The following CDC42BPB variants were observed in gnomAD, a reference collection of about 807,000 sequenced individuals.
CDC42BPB encodes CDC42 binding protein kinase beta.
In CDC42BPB, 37 loss-of-function variants were observed where a neutral mutation model predicts 214.9. That is an observed-to-expected ratio of 0.17 (90% CI 0.13 to 0.23). The LOEUF (loss-of-function observed/expected upper bound fraction) is 0.23, where lower values mean the gene tolerates loss of function less well. Among genes scored for constraint, CDC42BPB ranks in the 10% least tolerant of loss-of-function variants. The pLI is 1.00. For missense variants in CDC42BPB, 1,694 were observed against 2,227.0 expected, an observed-to-expected ratio of 0.76 and a Z score of 4.82; for synonymous variants, 931 against 884.0, an observed-to-expected ratio of 1.05 and a Z score of -0.94.
chr14:102,977,703 T>C (rs532764433), intron 9 of CDC42BPB, among the ~76,000 whole-genome samples: 76 of 152,324 alleles, frequency 5.0e-4, no homozygotes, highest in Admixed American at 2.7e-3. Flanking sequence ...GAGCTAACCC[T>C]GCCAATGCTG....
chr14:103,015,780 C>G (rs956150600), intron 1 of CDC42BPB, among the ~76,000 whole-genome samples: 3 of 152,140 alleles, frequency 2.0e-5, no homozygotes, highest in African/African-American at 7.2e-5. Flanking sequence ...ACAATCTCAG[C>G]TCACTGCAAC....
intron 14 of CDC42BPB, chr14:102,968,969 A>C: frequency 2.4e-6 from 2 of 843,028 alleles, no homozygotes; most frequent in Non-Finnish European, 2.9e-6. Context: ...CACCCTGTTC[A>C]TTCATGCTTG....
chr14:102,935,389 C>T (rs1891604214), intron 36 of CDC42BPB, among the ~76,000 whole-genome samples: 1 of 151,938 alleles, frequency 6.6e-6, no homozygotes, highest in Non-Finnish European at 1.5e-5. Flanking sequence ...AATAGTTTAA[C>T]CAGAGAAGGG....
chr14:102,996,059 G>A (rs771249335), intron 5 of CDC42BPB, among the ~76,000 whole-genome samples: 3 of 152,228 alleles, frequency 2.0e-5, no homozygotes, highest in African/African-American at 7.2e-5. Flanking sequence ...AGCCAATTAA[G>A]AGAATGAGGA....
intron 9 of CDC42BPB, among the ~76,000 whole-genome samples, chr14:102,976,524 G>C (rs1215453769): frequency 6.6e-6 from 1 of 152,222 alleles, no homozygotes. Context: ...AGCACACTAA[G>C]CCCCTTACCA....
intron 3 of CDC42BPB, 136 bp downstream of exon 3, chr14:103,008,336 G>T: frequency 4.8e-6 from 3 of 629,410 alleles, no homozygotes; most frequent in South Asian, 4.0e-5. Flanking sequence ...CTCCTCAAAA[G>T]AGAGTGCTCG....
intron 6 of CDC42BPB, among the ~76,000 whole-genome samples, chr14:102,985,013 T>C (rs1014593926): frequency 2.2e-4 from 34 of 151,920 alleles, no homozygotes; most frequent in African/African-American, 7.7e-4. Flanking sequence ...GGGTAACCCA[T>C]GCTCTGGTTA....
intron 1 of CDC42BPB, chr14:103,042,031 C>G: frequency 4.6e-6 from 1 of 215,540 alleles, no homozygotes; most frequent in Non-Finnish European, 1.0e-5. Context: ...TGACGCCCGG[C>G]TCTTTGGCAT....
Position 103,032,319 on chromosome 14 carries a change from C to T in CDC42BPB, c.176-20131G>A, listed in dbSNP as rs550085826. Among the ~76,000 whole-genome samples the T allele has an allele frequency of 2.0e-3, 301 of 152,178 alleles. 1 individual carries two copies. The highest frequency in any genetic ancestry group is 3.7e-3 in the Non-Finnish European group (249 of 67,986). On this transcript the variant is annotated intron_variant, in intron 1 of 36. Coordinates refer to ENST00000361246, the MANE Select transcript of CDC42BPB (RefSeq NM_006035.4). ...CTCACCAGCTCCTGACTGGAATATA[C>T]TTTACCACTGCAACATCTGAAATGA...
chr14:103,041,298 C>A (rs74082768), intron 1 of CDC42BPB, among the ~76,000 whole-genome samples: 1 of 152,104 alleles, frequency 6.6e-6, no homozygotes, highest in African/African-American at 2.4e-5. Flanking sequence ...AAGAACTAAA[C>A]GTAAATGCTA....
At chr14:102,966,061 A>G (rs1008083246) in intron 18 of CDC42BPB, among the ~76,000 whole-genome samples, 4 of 152,248 alleles carry the variant, frequency 2.6e-5, no homozygotes, top group Admixed American at 6.5e-5. Context: ...CACGGAGCTC[A>G]GTGCTCAGTA....
At chr14:103,052,717 C>T (rs531073009) in intron 1 of CDC42BPB, among the ~76,000 whole-genome samples, 11 of 152,316 alleles carry the variant, frequency 7.2e-5, no homozygotes, top group South Asian at 6.2e-4. Context: ...TGGAAACCCA[C>T]GGTCCGCCTC....
At chr14:103,053,550 T>A (rs1190219) in intron 1 of CDC42BPB, among the ~76,000 whole-genome samples, 151,846 of 151,880 alleles carry the variant, frequency 1, 75,906 homozygotes, top group Middle Eastern at 1. Flanking sequence ...TCACGAGGTC[T>A]GGAGATCGAG....
intron 1 of CDC42BPB, among the ~76,000 whole-genome samples, chr14:103,056,628 A>G (rs1273787984): frequency 1.5e-5 from 2 of 130,446 alleles, no homozygotes. Flanking sequence ...TGATATCCAG[A>G]CTCGGAGGGT....
intron 34 of CDC42BPB, among the ~76,000 whole-genome samples, chr14:102,938,946 T>C (rs569726439): frequency 0.061 from 9,119 of 150,058 alleles, 328 homozygotes; most frequent in African/African-American, 0.097. Context: ...CATAATTTTT[T>C]TTTTTTTTGA....
At position 102,975,864 on chromosome 14, in the gene CDC42BPB, G is replaced by A. The variant is rs991128305; in HGVS notation, c.1387+19C>T. The A allele has an allele frequency of 1.2e-6, 2 of 1,613,950 alleles. No homozygotes were observed. The highest frequency in any genetic ancestry group is 1.7e-6 in the Non-Finnish European group (2 of 1,179,906). On this transcript the variant is annotated intron_variant, in intron 10 of 36. Coordinates refer to ENST00000361246, the MANE Select transcript of CDC42BPB (RefSeq NM_006035.4). Reference sequence around the variant, plus strand: ...GCCGCAGCGCCCCCGCCTGGCCCCGGAGCCGGCGCTGCCCTCACCTTGCAG... The same window carrying A: ...GCCGCAGCGCCCCCGCCTGGCCCCGAAGCCGGCGCTGCCCTCACCTTGCAG...
chr14:103,014,165 CAAAA>C (rs1171233966), intron 1 of CDC42BPB, among the ~76,000 whole-genome samples: 2 of 24,560 alleles, frequency 8.1e-5, no homozygotes, highest in Admixed American at 3.2e-4. Context: ...GACTCCGTCT[CAAAA>C]AAAAAAAAAA....
chr14:102,993,513 G>GAGTTGGA (rs1894591149), intron 5 of CDC42BPB, among the ~76,000 whole-genome samples: 1 of 150,342 alleles, frequency 6.7e-6, no homozygotes, highest in Non-Finnish European at 1.5e-5. Context: ...GAGAGAGGGA[G>GAGTTGGA]AGTTGGAAGG....
At chr14:102,976,692 G>A (rs983413347) in intron 9 of CDC42BPB, among the ~76,000 whole-genome samples, 1 of 152,200 alleles carries the variant, frequency 6.6e-6, no homozygotes, top group Non-Finnish European at 1.5e-5. Context: ...GAGCTCCTAC[G>A]CAGAGTTCCA....
Sources: allele counts gnomAD v4.1 joint callset (sites outside exome capture counted in the v4.1 genomes callset), GRCh38; gene constraint gnomAD v4.1.1; transcripts MANE v1.5; gene names NCBI Gene and HGNC (gene_info 2026-07-23, HGNC 2026-07-21).